The following IL22RA2 variants were observed in gnomAD, a reference collection of about 807,000 sequenced individuals.
IL22RA2 encodes the protein interleukin 22 receptor subunit alpha 2.
Under a neutral mutation model 30.7 loss-of-function variants are expected in IL22RA2, and 39 were observed. That is an observed-to-expected ratio of 1.27 (90% CI 0.98 to 1.66). The LOEUF is 1.66. Ranked by LOEUF, IL22RA2 falls within the 40% of genes most tolerant of loss-of-function variation. IL22RA2 has a pLI of 0.00. For synonymous variants in IL22RA2, 103 were observed against 105.0 expected (o/e 0.98, Z 0.11); for missense variants, 315 against 312.7 (o/e 1.01, Z -0.05).
At chr6:137,146,383 G>A (rs1348603109) in intron 6 of IL22RA2, among the ~76,000 whole-genome samples, 5 of 152,122 alleles carry the variant, frequency 3.3e-5, no homozygotes, top group African/African-American at 1.2e-4. Flanking sequence ...AGCGAGATGA[G>A]CAGAGATAAC....
intron 6 of IL22RA2, among the ~76,000 whole-genome samples, chr6:137,146,185 C>G (rs1200450501): frequency 6.6e-6 from 1 of 152,116 alleles, no homozygotes; most frequent in Non-Finnish European, 1.5e-5. Context: ...ACGCATACCA[C>G]CACGCCTGGC....
At chr6:137,147,186 C>CAAAA (rs11313927) in intron 6 of IL22RA2, among the ~76,000 whole-genome samples, 12 of 70,864 alleles carry the variant, frequency 1.7e-4, no homozygotes, top group East Asian at 4.6e-4. Flanking sequence ...CTTGCCTCTA[C>CAAAA]AAAAAAAAAA....
At chr6:137,161,201 C>G (rs1778514609) in intron 2 of IL22RA2, among the ~76,000 whole-genome samples, 1 of 152,188 alleles carries the variant, frequency 6.6e-6, no homozygotes, top group Non-Finnish European at 1.5e-5. Context: ...AATCCCCATT[C>G]TACTAATGAG....
Position 137,145,754 on chromosome 6 carries a change from C to A in IL22RA2, c.662G>T (p.Gly221Val). 2.5e-6 allele frequency: 4 copies of A among 1,613,782 alleles called. No homozygotes were observed. The highest frequency in any genetic ancestry group is 3.4e-6 in the Non-Finnish European group (4 of 1,179,894). Residue 221 changes from glycine to valine, a missense_variant, in exon 7 of 7, where the codon GGG becomes GTG. Coordinates refer to ENST00000296980, the MANE Select transcript of IL22RA2 (RefSeq NM_052962.3). The stretch of plus-strand genomic sequence containing the variant: ...TTCAATTTCAACCGCTCTGTGAGCC[C>A]CTTCATAAACCTTTTGCTCCTACAC... ...SLEKEQKVYE[G>V]AHRAVEIEAL...
chr6:137,164,793 CA>C (rs1353051290), intron 1 of IL22RA2, among the ~76,000 whole-genome samples: 2 of 152,214 alleles, frequency 1.3e-5, no homozygotes, highest in Non-Finnish European at 2.9e-5. Context: ...TTTGAATGCA[CA>C]GAATGAAGTC....
chr6:137,155,020 A>G lies in IL22RA2; in HGVS notation c.393T>C (p.Tyr131=), dbSNP rs1232518422. ...CCGAGGCCGCCCTCACCCTCCCGTA[A>G]TAAGGTTCCTGTATGTCTGAGGTTT... is the stretch of plus-strand genomic sequence containing the variant. ...TSETSDIQEP[Y]YGRVRAASAG... Residue 131 remains tyrosine (Y), a synonymous_variant, in exon 5 of 7, where the codon TAT becomes TAC. Transcript: ENST00000296980. 6 of 1,614,130 alleles carry G rather than the reference A, an allele frequency of 3.7e-6. No homozygotes were observed. The East Asian group carries it at 1.3e-4, about 36-fold the overall frequency.
Position 137,144,047 on chromosome 6 carries a change from T to A in IL22RA2, c.*1577A>T, listed in dbSNP as rs962853635. ...TAAGTCAGGCTTCAGGACTACTGAA[T>A]TGCATTCACTAAAATGCTATTTGAA... On this transcript the variant is annotated 3_prime_UTR_variant, in exon 7 of 7. Transcript: ENST00000296980. 1.3e-5 allele frequency: 2 copies of A among 152,284 alleles called. No homozygotes were observed. Among genetic ancestry groups the A allele is most frequent in the Non-Finnish European group, 2.9e-5 (2 of 68,034 alleles). 9.4% of individuals were successfully genotyped at this position (152,284 alleles called of 1,614,324 possible). A position where few individuals can be genotyped will look rare whatever the true frequency, so the allele number is the denominator to read the frequency against.
At chr6:137,157,516 C>G (rs1445533135) in intron 3 of IL22RA2, among the ~76,000 whole-genome samples, 1 of 152,096 alleles carries the variant, frequency 6.6e-6, no homozygotes, top group Non-Finnish European at 1.5e-5. Flanking sequence ...TGACCTAGGA[C>G]CTACCCCATG....
chr6:137,152,419 A>T (rs1355861089), intron 5 of IL22RA2, among the ~76,000 whole-genome samples: 2 of 152,220 alleles, frequency 1.3e-5, no homozygotes, highest in Non-Finnish European at 2.9e-5. Context: ...ACATACTACA[A>T]TCTGAATGAA....
intron 6 of IL22RA2, among the ~76,000 whole-genome samples, chr6:137,147,196 A>T (rs1345821730): frequency 4.8e-5 from 7 of 147,096 alleles, no homozygotes; most frequent in South Asian, 2.2e-4. Context: ...CAAAAAAAAA[A>T]AAAAAAAAAA....
chr6:137,152,630 G>A (rs868702560), intron 5 of IL22RA2, among the ~76,000 whole-genome samples: 7 of 152,200 alleles, frequency 4.6e-5, no homozygotes, highest in African/African-American at 1.4e-4. Flanking sequence ...AAAATTGACT[G>A]TGAGTGATGG....
At chr6:137,168,637 CTGGAAGGG>C (rs200423192) in intron 1 of IL22RA2, among the ~76,000 whole-genome samples, 12,061 of 152,238 alleles carry the variant, frequency 0.079, 1,169 homozygotes, top group African/African-American at 0.23. Flanking sequence ...CACCTATACA[CTGGAAGGG>C]CTGCTCTGTT....
In IL22RA2 at chr6:137,167,245, C is replaced by G. The variant is rs9483999; in HGVS notation, c.-65-5431G>C. 5.5e-4 allele frequency among the ~76,000 whole-genome samples: 84 copies of G among 152,124 alleles called. 1 individual carries two copies. Among genetic ancestry groups the G allele is most frequent in the African/African-American group, 1.9e-3 (79 of 41,490 alleles). On this transcript the variant is annotated intron_variant, in intron 1 of 6. Transcript: ENST00000296980. ...GTTCTGGAAAGTTGAAAGAATAAACCGGACACTCAAACAGCCGTTAAAAAA... is the reference window on the plus strand; with the variant it reads ...GTTCTGGAAAGTTGAAAGAATAAACGGGACACTCAAACAGCCGTTAAAAAA...
At position 137,155,108 on chromosome 6, in the gene IL22RA2, CTCTGTCCATA is replaced by C; in HGVS notation, c.295_304del (p.Tyr99AspfsTer34). On this transcript the variant is annotated frameshift_variant and splice_region_variant, in exon 5 of 7. Coordinates refer to ENST00000296980, the MANE Select transcript of IL22RA2 (RefSeq NM_052962.3). LOFTEE classifies it high-confidence loss of function. ...ACAGTCTTCTTTATTTTTCCATTGT[CTCTGTCCATA>C]TCTGTAGCAGGGAAAAGGCAAAGAT... is the stretch of plus-strand genomic sequence containing the variant. 2 of 1,585,542 alleles carry C rather than the reference CTCTGTCCATA, an allele frequency of 1.3e-6. No homozygotes were observed. The highest frequency in any genetic ancestry group is 2.7e-5 in the African/African-American group (2 of 73,604).
chr6:137,161,103 A>C (rs936206383), intron 2 of IL22RA2, among the ~76,000 whole-genome samples: 1 of 152,186 alleles, frequency 6.6e-6, no homozygotes, highest in Non-Finnish European at 1.5e-5. Context: ...GCAAATTCTC[A>C]CCTGTTGTTT....
intron 1 of IL22RA2, among the ~76,000 whole-genome samples, chr6:137,162,795 G>T (rs947196627): frequency 6.6e-6 from 1 of 152,148 alleles, no homozygotes; most frequent in South Asian, 2.1e-4. Context: ...GAAACATTTC[G>T]TAGGGACTTA....
chr6:137,152,134 G>A (rs1002779028), intron 5 of IL22RA2, among the ~76,000 whole-genome samples: 5 of 151,920 alleles, frequency 3.3e-5, no homozygotes, highest in African/African-American at 1.2e-4. Context: ...GATTGCTGGA[G>A]CCCAGGGGTT....
At chr6:137,170,694 C>T (rs764058720) in intron 1 of IL22RA2, among the ~76,000 whole-genome samples, 4 of 152,090 alleles carry the variant, frequency 2.6e-5, no homozygotes, top group African/African-American at 7.2e-5. Context: ...CCTGAACTTT[C>T]GGTCTCTTCA....
In IL22RA2 at chr6:137,165,241, T is replaced by A. The variant is rs1229840323; in HGVS notation, c.-65-3427A>T. ...TCTCAGAGGTTCGCCAGAAGCCAGATAAAAGTCCCGGTGAATTTTATGAGA... is the reference window on the plus strand; with the variant it reads ...TCTCAGAGGTTCGCCAGAAGCCAGAAAAAAGTCCCGGTGAATTTTATGAGA... On this transcript the variant is annotated intron_variant, in intron 1 of 6. Coordinates refer to ENST00000296980, the MANE Select transcript of IL22RA2 (RefSeq NM_052962.3). 3.3e-5 allele frequency among the ~76,000 whole-genome samples: 5 copies of A among 152,206 alleles called. No individual in the cohort carries two copies. In the East Asian group the frequency reaches 9.6e-4, roughly 29 times the overall value.
Sources: gnomAD v4.1 joint callset for allele counts (sites outside exome capture counted in the v4.1 genomes callset) on GRCh38, gnomAD v4.1.1 for gene constraint, MANE v1.5 for transcripts, NCBI Gene and HGNC (gene_info 2026-07-23, HGNC 2026-07-21) for gene names.